C11orf65: variants seen among roughly 807,000 people sequenced by gnomAD.
The protein encoded by C11orf65 is protein MFI.
Under a neutral mutation model 35.3 loss-of-function variants are expected in C11orf65, and 38 were observed. That is an observed-to-expected ratio of 1.08 (90% confidence interval 0.83 to 1.41). The LOEUF (loss-of-function observed/expected upper bound fraction) is 1.41. Ranked by LOEUF, C11orf65 falls within the 40% of genes most tolerant of loss-of-function variation. The probability of loss-of-function intolerance (pLI) is 0.00; values close to 1 mark genes in which losing one functional copy is unlikely to be tolerated. For missense variants in C11orf65, 370 were observed against 367.1 expected (o/e 1.01, Z -0.06); for synonymous variants, 105 against 114.4 (o/e 0.92, Z 0.53).
chr11:108,376,261 C>A (rs1253651342), intron 2 of C11orf65, among the ~76,000 whole-genome samples: 2 of 151,988 alleles, frequency 1.3e-5, no homozygotes. Flanking sequence ...TGTAAAAGAA[C>A]AGAAATTATA....
chr11:108,308,942 G>C (rs1565487828), exon 7 of C11orf65: 1 of 1,384,566 alleles, frequency 7.2e-7, no homozygotes, highest in Non-Finnish European at 9.9e-7. Context: ...TTGGGAGGCA[G>C]TTTTACCTTT....
In C11orf65 at chr11:108,393,199, T is replaced by C; in HGVS notation, c.731+9A>G. 6.2e-7 allele frequency: 1 copy of C among 1,612,278 alleles called. No homozygotes were observed. The highest frequency in any genetic ancestry group is 8.5e-7 in the Non-Finnish European group (1 of 1,178,922). ...CCCTTGTTCCCCAAGAATAGCAACA[T>C]GTACTTACTCATCAAAGTTCAGTGT... is the stretch of plus-strand genomic sequence containing the variant. On this transcript the variant is annotated intron_variant, in intron 7 of 8. Coordinates refer to ENST00000393084, the MANE Select transcript of C11orf65 (RefSeq NM_152587.5).
chr11:108,351,151 A>G (rs1411133830), intron 2 of C11orf65, among the ~76,000 whole-genome samples: 1 of 152,234 alleles, frequency 6.6e-6, no homozygotes, highest in East Asian at 1.9e-4. Context: ...CCAACATAAA[A>G]GAGTACACAT....
At chr11:108,310,087 C>T (rs2084012584) in intron 6 of C11orf65, 2 of 1,501,434 alleles carry the variant, frequency 1.3e-6, no homozygotes, top group Admixed American at 1.8e-5. Context: ...CCATTGTATT[C>T]TATATCAACA....
chr11:108,385,359 A>T lies in C11orf65; in HGVS notation c.787+561T>A, dbSNP rs182387522. Among the ~76,000 whole-genome samples the T allele has an allele frequency of 1.3e-4, 19 of 151,854 alleles. No individual in the cohort carries two copies. In the East Asian group the frequency reaches 2.9e-3, roughly 24 times the overall value. On this transcript the variant is annotated intron_variant, in intron 8 of 8. Coordinates refer to ENST00000393084, the MANE Select transcript of C11orf65 (RefSeq NM_152587.5). Reference sequence around the variant, plus strand: ...AGTGCTGGGATTACAGGTGTGTGCCACTGTGCCTGACCAGTAACTTTTAAA... The same window carrying T: ...AGTGCTGGGATTACAGGTGTGTGCCTCTGTGCCTGACCAGTAACTTTTAAA...
chr11:108,315,531 G>T (rs634268), intron 6 of C11orf65, among the ~76,000 whole-genome samples: 1 of 151,752 alleles, frequency 6.6e-6, no homozygotes, highest in South Asian at 2.1e-4. Context: ...AAATTTTTCA[G>T]TAGTTCTAAA....
chr11:108,320,075 A>T lies in C11orf65; in HGVS notation c.641-11004T>A, dbSNP rs371044809. 12 of 1,518,922 alleles carry T rather than the reference A, an allele frequency of 7.9e-6. No homozygotes were observed. The East Asian group carries it at 2.5e-4, about 31-fold the overall frequency. 94.1% of individuals were successfully genotyped at this position (1,518,922 alleles called of 1,614,324 possible). A position where few individuals can be genotyped will look rare whatever the true frequency, so the allele number is the denominator to read the frequency against. On this transcript the variant is annotated intron_variant, in intron 6 of 6. Coordinates refer to the C11orf65 transcript ENST00000525729. ...ATATGCCAGGTATTATGAAAAGACAAAGTTACTGTATTTTAACATTTAATG... is the reference window on the plus strand; with the variant it reads ...ATATGCCAGGTATTATGAAAAGACATAGTTACTGTATTTTAACATTTAATG...
chr11:108,348,864 A>T (rs1328435279), intron 2 of C11orf65, among the ~76,000 whole-genome samples: 1 of 152,222 alleles, frequency 6.6e-6, no homozygotes, highest in African/African-American at 2.4e-5. Context: ...AGATGCTAAG[A>T]ATCAGGATGA....
intron 2 of C11orf65, among the ~76,000 whole-genome samples, chr11:108,446,022 A>G (rs1417913304): frequency 2.6e-5 from 4 of 152,202 alleles, no homozygotes; most frequent in African/African-American, 9.7e-5. Flanking sequence ...AAAGGGTATC[A>G]GTGATGGAAG....
intron 6 of C11orf65, among the ~76,000 whole-genome samples, chr11:108,311,104 C>G (rs2084117877): frequency 6.6e-6 from 1 of 151,986 alleles, no homozygotes; most frequent in Admixed American, 6.6e-5. Flanking sequence ...GTAGCTGGGA[C>G]TATAGGCACA....
rs866749094 is a variant in C11orf65, at chr11:108,310,161, CCTT to C, written c.641-1093_641-1091del. ...ACATTATATCTCATTTTTCTTTAGA[CCTT>C]CTTCAGGAACAATTTTTAATGATGC... On this transcript the variant is annotated intron_variant, in intron 6 of 6. Coordinates refer to the C11orf65 transcript ENST00000525729. The C allele has an allele frequency of 2.5e-6, 4 of 1,612,680 alleles. No individual in the cohort carries two copies. Among genetic ancestry groups the C allele is most frequent in the Middle Eastern group, 1.7e-4 (1 of 6,060 alleles).
At chr11:108,394,066 G>T (rs147040395) in intron 6 of C11orf65, among the ~76,000 whole-genome samples, 1,669 of 150,896 alleles carry the variant, frequency 0.011, 28 homozygotes, top group African/African-American at 0.038. Context: ...TGTAATCCCA[G>T]CTACTTGGGA....
chr11:108,399,563 CCT>C (rs570053333), intron 6 of C11orf65, among the ~76,000 whole-genome samples: 92 of 152,248 alleles, frequency 6.0e-4, no homozygotes, highest in Middle Eastern at 3.4e-3. Context: ...CATATTCCCC[CCT>C]GTTAACTTGT....
At chr11:108,451,026 T>C (rs1042385955) in intron 2 of C11orf65, among the ~76,000 whole-genome samples, 5 of 151,832 alleles carry the variant, frequency 3.3e-5, no homozygotes, top group South Asian at 2.1e-4. Flanking sequence ...TAACAGCTAT[T>C]TATGACAAAC....
At chr11:108,424,544 C>T (rs2092871303) in intron 3 of C11orf65, among the ~76,000 whole-genome samples, 2 of 152,160 alleles carry the variant, frequency 1.3e-5, no homozygotes, top group Admixed American at 1.3e-4. Context: ...GAGACTTAGA[C>T]TCCCACACAA....
At chr11:108,344,068 G>C (rs2087963617) in intron 2 of C11orf65, among the ~76,000 whole-genome samples, 1 of 152,166 alleles carries the variant, frequency 6.6e-6, no homozygotes, top group African/African-American at 2.4e-5. Context: ...CTAATAAACA[G>C]AGCAAGGATT....
At chr11:108,459,054 T>C (rs1287197256) in intron 2 of C11orf65, among the ~76,000 whole-genome samples, 3 of 152,194 alleles carry the variant, frequency 2.0e-5, no homozygotes, top group Non-Finnish European at 4.4e-5. Context: ...GGGGGCTTCA[T>C]GACATGAGTG....
At chr11:108,416,577 C>T (rs994076359) in intron 3 of C11orf65, among the ~76,000 whole-genome samples, 4 of 152,054 alleles carry the variant, frequency 2.6e-5, no homozygotes, top group African/African-American at 9.7e-5. Context: ...ACTCGGGACA[C>T]TGAGGCAGGA....
chr11:108,460,811 C>T (rs1376841760), intron 2 of C11orf65, among the ~76,000 whole-genome samples: 5 of 152,038 alleles, frequency 3.3e-5, no homozygotes, highest in East Asian at 1.9e-4. Flanking sequence ...TCACAACCTC[C>T]GCCTCCCAAG....
Sources: gnomAD v4.1 joint callset for allele counts (sites outside exome capture counted in the v4.1 genomes callset) on GRCh38, gnomAD v4.1.1 for gene constraint, MANE v1.5 for transcripts, NCBI Gene and HGNC (gene_info 2026-07-23, HGNC 2026-07-21) for gene names.